Variants in IRF2 observed in about 807,000 individuals in gnomAD.
IRF2 encodes the protein interferon regulatory factor 2.
IRF2 carries 15 observed loss-of-function variants against 40.6 expected under a neutral mutation model. That is an observed-to-expected ratio of 0.37 (90% CI 0.25 to 0.57). IRF2 has a LOEUF of 0.57. Ranked by LOEUF, IRF2 falls within the 20% of genes least tolerant of loss-of-function variation. IRF2 has a pLI of 0.77. For synonymous variants in IRF2, 151 were observed against 165.5 expected, an observed-to-expected ratio of 0.91 and a Z score of 0.67; for missense variants, 317 against 455.7, an observed-to-expected ratio of 0.70 and a Z score of 2.77.
At chr4:184,422,050 C>G (rs968995268) in intron 2 of IRF2, among the ~76,000 whole-genome samples, 2 of 151,894 alleles carry the variant, frequency 1.3e-5, no homozygotes, top group Admixed American at 1.3e-4. Context: ...TTCAAAACAG[C>G]CTGTCGCCTG....
At chr4:184,441,420 G>A (rs1394827541) in intron 1 of IRF2, among the ~76,000 whole-genome samples, 2 of 152,196 alleles carry the variant, frequency 1.3e-5, no homozygotes, top group Admixed American at 6.5e-5. Flanking sequence ...GAGTGGTCAG[G>A]TGTCTGGTGG....
At chr4:184,427,077 C>T (rs1279038625) in intron 2 of IRF2, among the ~76,000 whole-genome samples, 1 of 152,226 alleles carries the variant, frequency 6.6e-6, no homozygotes, top group African/African-American at 2.4e-5. Flanking sequence ...CTCCAGCTCC[C>T]CTTTACTCTG....
chr4:184,439,854 A>G (rs888606479), intron 1 of IRF2, among the ~76,000 whole-genome samples: 3 of 152,192 alleles, frequency 2.0e-5, no homozygotes, highest in Admixed American at 6.5e-5. Flanking sequence ...TGTGTGCACA[A>G]AAGTCACCTG....
rs1281650390 is a variant in IRF2, at chr4:184,473,170, A to C, written c.-7+1209T>G. On this transcript the variant is annotated intron_variant, in intron 1 of 8. Coordinates refer to ENST00000393593, the MANE Select transcript of IRF2 (RefSeq NM_002199.4). Reference sequence around the variant, plus strand: ...CGGCCGCCGCGGCTTTGCACCAACCATGTTCGGCCAGCGGGCGAATGTCAC... The same window carrying C: ...CGGCCGCCGCGGCTTTGCACCAACCCTGTTCGGCCAGCGGGCGAATGTCAC... Among the ~76,000 whole-genome samples the C allele has an allele frequency of 3.3e-5, 5 of 151,160 alleles. No homozygotes were observed. The East Asian group carries it at 9.9e-4, about 30-fold the overall frequency.
chr4:184,444,607 C>A (rs1738435669), intron 1 of IRF2, among the ~76,000 whole-genome samples: 1 of 152,106 alleles, frequency 6.6e-6, no homozygotes, highest in Admixed American at 6.5e-5. Context: ...CAAAACTAAC[C>A]CAAATACCAG....
At position 184,436,450 on chromosome 4, in the gene IRF2, A is replaced by G. The variant is rs188488576; in HGVS notation, c.-6-7380T>C. Among the ~76,000 whole-genome samples, 17 of 152,348 alleles carry G rather than the reference A, an allele frequency of 1.1e-4. No individual in the cohort carries two copies. The East Asian group carries it at 3.3e-3, about 29-fold the overall frequency. ...GAGGATGTGAGAGATAAATCACATA[A>G]AGCTAACTAATAATCCTATAATTAT... On this transcript the variant is annotated intron_variant, in intron 1 of 8. Transcript: ENST00000393593.
Position 184,388,682 on chromosome 4 carries a change from G to A in IRF2, c.*76C>T, listed in dbSNP as rs1736140203. 1 of 1,456,082 alleles carries A rather than the reference G, an allele frequency of 6.9e-7. No individual in the cohort carries two copies. Among genetic ancestry groups the A allele is most frequent in the Non-Finnish European group, 9.4e-7 (1 of 1,067,988 alleles). The allele number at this position is 1,456,082 out of a possible 1,614,324, so 90.2% of individuals were successfully genotyped here. A position where few individuals can be genotyped will look rare whatever the true frequency, so the allele number is the denominator to read the frequency against. On this transcript the variant is annotated 3_prime_UTR_variant, in exon 9 of 9. Transcript: ENST00000393593. The surrounding 1 kb of genome is among the most constrained non-coding windows in gnomAD (Gnocchi z 4.6). ...AGATTTGTCTAAAATAGGTGTCAGA[G>A]AGAAAAAAATAAAATACAAACAAAC...
chr4:184,398,457 G>T (rs928759604), intron 7 of IRF2, among the ~76,000 whole-genome samples: 1 of 151,984 alleles, frequency 6.6e-6, no homozygotes, highest in Admixed American at 6.6e-5. Context: ...AGGAGCTCGA[G>T]ACCAGCCTGG....
chr4:184,419,313 G>C (rs1020357130), intron 3 of IRF2, among the ~76,000 whole-genome samples, 156 bp downstream of exon 3: 1 of 152,142 alleles, frequency 6.6e-6, no homozygotes, highest in African/African-American at 2.4e-5. Context: ...GAGGGCTGCA[G>C]TTTGTACCCC....
At chr4:184,420,143 C>T (rs1737430259) in intron 2 of IRF2, among the ~76,000 whole-genome samples, 1 of 152,226 alleles carries the variant, frequency 6.6e-6, no homozygotes, top group Non-Finnish European at 1.5e-5. Context: ...GCTGAGATTA[C>T]AGGTGTGAGC....
At chr4:184,473,190 T>C (rs1228282840) in intron 1 of IRF2, among the ~76,000 whole-genome samples, 2 of 150,910 alleles carry the variant, frequency 1.3e-5, no homozygotes, top group Non-Finnish European at 3.0e-5. Flanking sequence ...AGCGGGCGAA[T>C]GTCACCCGGC....
intron 1 of IRF2, among the ~76,000 whole-genome samples, chr4:184,433,665 G>C (rs1025083728): frequency 6.6e-6 from 1 of 152,170 alleles, no homozygotes; most frequent in Non-Finnish European, 1.5e-5. Flanking sequence ...GGGTTGGTTG[G>C]TTGGTTGGTT....
intron 1 of IRF2, among the ~76,000 whole-genome samples, chr4:184,432,279 C>T (rs72703773): frequency 0.055 from 8,304 of 152,324 alleles, 303 homozygotes; most frequent in Middle Eastern, 0.13. Flanking sequence ...ATCTGATGCA[C>T]GTGTTCCCAG....
At chr4:184,405,268 A>ACAAAT (rs1191418189) in intron 6 of IRF2, among the ~76,000 whole-genome samples, 1 of 151,918 alleles carries the variant, frequency 6.6e-6, no homozygotes, top group Non-Finnish European at 1.5e-5. Context: ...ACAAAACAAA[A>ACAAAT]CTCAGTAGAG....
intron 1 of IRF2, among the ~76,000 whole-genome samples, chr4:184,447,435 C>T (rs898498619): frequency 6.6e-6 from 1 of 152,132 alleles, no homozygotes; most frequent in Non-Finnish European, 1.5e-5. Flanking sequence ...CTTAGAAGAT[C>T]AACATTTGGT....
At chr4:184,449,698 A>C (rs1738644514) in intron 1 of IRF2, among the ~76,000 whole-genome samples, 1 of 152,226 alleles carries the variant, frequency 6.6e-6, no homozygotes, top group Admixed American at 6.5e-5. Context: ...ATACCTTACC[A>C]ATAATGCTTT....
At chr4:184,435,455 C>T (rs906554901) in intron 1 of IRF2, among the ~76,000 whole-genome samples, 1 of 152,238 alleles carries the variant, frequency 6.6e-6, no homozygotes, top group Non-Finnish European at 1.5e-5. Flanking sequence ...GGTAATGGTA[C>T]AGTAGGTAAT....
intron 1 of IRF2, among the ~76,000 whole-genome samples, chr4:184,466,060 G>GTTTTTTTTT (rs750400403): frequency 1.8e-5 from 2 of 109,680 alleles, no homozygotes; most frequent in African/African-American, 6.0e-5. Context: ...GTTGTTTTTT[G>GTTTTTTTTT]TTTTTTGTTT....
intron 1 of IRF2, among the ~76,000 whole-genome samples, chr4:184,446,557 A>T (rs1579096956): frequency 1.3e-5 from 2 of 152,336 alleles, no homozygotes; most frequent in South Asian, 4.1e-4. Flanking sequence ...AATGGAAGTG[A>T]GGCTTTTGAC....
Sources: allele counts gnomAD v4.1 joint callset (sites outside exome capture counted in the v4.1 genomes callset), GRCh38; gene constraint gnomAD v4.1.1; non-coding constraint Gnocchi (gnomAD v3.1); transcripts MANE v1.5; gene names NCBI Gene and HGNC (gene_info 2026-07-23, HGNC 2026-07-21).